The following FANCD2OS variants were observed in gnomAD, a reference collection of about 807,000 sequenced individuals.
The protein encoded by FANCD2OS is FANCD2 opposite strand protein.
In FANCD2OS, 11 loss-of-function variants were observed where a neutral mutation model predicts 13.2. The ratio of observed to expected loss-of-function variants is 0.83; its 90% CI spans 0.52 to 1.38. The LOEUF is 1.38. Ranked by LOEUF, FANCD2OS falls within the 40% of genes most tolerant of loss-of-function variation. The pLI, the probability that FANCD2OS is intolerant of heterozygous loss-of-function variation, is 0.00. For synonymous variants in FANCD2OS, 69 were observed against 84.5 expected (o/e 0.82, Z 1.01); for missense variants, 217 against 213.9 (o/e 1.01, Z -0.09).
At chr3:10,089,403 A>G (rs912662075) in intron 2 of FANCD2OS, among the ~76,000 whole-genome samples, 6 of 152,166 alleles carry the variant, frequency 3.9e-5, no homozygotes, top group Non-Finnish European at 7.3e-5. Context: ...TTCAATAAAG[A>G]GAGTCTGTTA....
chr3:10,085,973 A>G, intron 2 of FANCD2OS: 1 of 1,273,978 alleles, frequency 7.8e-7, no homozygotes, highest in Non-Finnish European at 1.1e-6. Flanking sequence ...ACTCCTAGGA[A>G]CAGGATTGGC....
intron 1 of FANCD2OS, among the ~76,000 whole-genome samples, chr3:10,107,288 T>C (rs542734652): frequency 3.5e-5 from 5 of 143,120 alleles, no homozygotes; most frequent in Admixed American, 3.4e-4. Flanking sequence ...CTTTTCTTTC[T>C]TTCTTTCTTT....
intron 2 of FANCD2OS, chr3:10,093,222 AAG>A (rs1430884525): frequency 7.7e-7 from 1 of 1,296,526 alleles, no homozygotes; most frequent in Non-Finnish European, 1.1e-6. Context: ...CGCAGCGGGA[AAG>A]AGGCTGGAGT....
intron 2 of FANCD2OS, among the ~76,000 whole-genome samples, chr3:10,096,736 C>T (rs1016256463): frequency 1.3e-5 from 2 of 152,296 alleles, no homozygotes; most frequent in Middle Eastern, 3.4e-3. Context: ...CAGACCAGTA[C>T]AAACCTCTCT....
intron 2 of FANCD2OS, among the ~76,000 whole-genome samples, chr3:10,092,505 A>G (rs1278994193): frequency 1.4e-5 from 2 of 146,378 alleles, no homozygotes; most frequent in Non-Finnish European, 3.0e-5. Context: ...TCCATCTGTA[A>G]TTCCCTCACT....
chr3:10,087,384 T>C (rs1694282495), intron 2 of FANCD2OS: 1 of 920,432 alleles, frequency 1.1e-6, no homozygotes, highest in Admixed American at 2.6e-5. Context: ...TAACCTTGGA[T>C]AGGCCCTCTT....
intron 1 of FANCD2OS, among the ~76,000 whole-genome samples, chr3:10,105,820 A>ATATATATATATAT (rs1695483587): frequency 1.4e-5 from 1 of 72,468 alleles, no homozygotes; most frequent in Non-Finnish European, 2.7e-5. Flanking sequence ...ATATATATAT[A>ATATATATATATAT]TTTTGAGGTT....
rs1575824898 is a variant in FANCD2OS at position 10,081,520 on chromosome 3, G to A, written c.*55C>T. Reference sequence around the variant, plus strand: ...AGTATATACTTGCTTTTATTTGACAGTCACCAAGGCACTGAAATGTAGAAA... The same window carrying A: ...AGTATATACTTGCTTTTATTTGACAATCACCAAGGCACTGAAATGTAGAAA... On this transcript the variant is annotated 3_prime_UTR_variant, in exon 3 of 3. Coordinates refer to the FANCD2OS transcript ENST00000524279. 5 of 1,148,740 alleles carry A rather than the reference G, an allele frequency of 4.4e-6. No homozygotes were observed. The East Asian group carries it at 1.2e-4, about 27-fold the overall frequency. The allele number at this position is 1,148,740 out of a possible 1,614,324, so 71.2% of individuals were successfully genotyped here.
At position 10,088,476 on chromosome 3, in the gene FANCD2OS, G is replaced by A. The variant is rs549507714; in HGVS notation, c.*44-6945C>T. On this transcript the variant is annotated intron_variant, in intron 2 of 2. Transcript: ENST00000524279. ...TCCCTTGCCAGACAATTCCTCTGTC[G>A]GGTGTGGCCAAGTGGGGATAAAGAG... is the stretch of plus-strand genomic sequence containing the variant. The A allele has an allele frequency of 9.9e-5, 160 of 1,611,224 alleles. 2 individuals are homozygous for A. In the South Asian group the frequency reaches 1.4e-3, roughly 14 times the overall value.
intron 2 of FANCD2OS, among the ~76,000 whole-genome samples, chr3:10,097,533 C>T (rs1272665125): frequency 1.3e-5 from 2 of 152,192 alleles, no homozygotes; most frequent in African/African-American, 4.8e-5. Context: ...CTGTTCCGCC[C>T]GGCTCACCGG....
intron 2 of FANCD2OS, among the ~76,000 whole-genome samples, chr3:10,096,730 C>T (rs894538299): frequency 6.6e-6 from 1 of 152,276 alleles, no homozygotes. Flanking sequence ...AGGAGTCAGA[C>T]CAGTACAAAC....
chr3:10,106,046 TCTC>T (rs984998324), intron 1 of FANCD2OS, among the ~76,000 whole-genome samples: 14 of 151,778 alleles, frequency 9.2e-5, no homozygotes, highest in African/African-American at 3.4e-4. Flanking sequence ...ACTGAGATCA[TCTC>T]CTGGCCCCAA....
chr3:10,104,913 A>C, intron 1 of FANCD2OS, 131 bp from the exon 2 acceptor site: 2 of 590,672 alleles, frequency 3.4e-6, no homozygotes, highest in Non-Finnish European at 5.4e-6. Flanking sequence ...AGATTCCAAC[A>C]GGTGTTAGGA....
chr3:10,093,260 G>C, intron 2 of FANCD2OS: 1 of 1,607,116 alleles, frequency 6.2e-7, no homozygotes, highest in Non-Finnish European at 8.5e-7. Flanking sequence ...TCTCAGCCTT[G>C]GTTTCTTGTC....
At chr3:10,103,414 A>G (rs529354226), downstream of FANCD2OS, among the ~76,000 whole-genome samples, 162 of 152,224 alleles carry the variant, frequency 1.1e-3, no homozygotes, top group Non-Finnish European at 1.9e-4. Context: ...AAAAATAATA[A>G]TAATACAAAA....
Position 10,105,769 on chromosome 3 carries a change from AAATTATAT to A in FANCD2OS, c.-8-995_-8-988del, listed in dbSNP as rs1209719819. 8.5e-5 allele frequency among the ~76,000 whole-genome samples: 4 copies of A among 47,198 alleles called. No individual in the cohort carries two copies. In the African/African-American group the frequency reaches 1.3e-3, roughly 15 times the overall value. 31.0% of individuals were successfully genotyped at this position (47,198 alleles called of 152,430 possible). ...CCATCTAAAAAAAAAAAAAAAAAAA[AAATTATAT>A]ATATATATATATATATATATATATA... is the stretch of plus-strand genomic sequence containing the variant. On this transcript the variant is annotated intron_variant, in intron 1 of 1. Transcript: ENST00000450660.
rs568071088 is a variant in FANCD2OS at position 10,081,627 on chromosome 3, A to T, written c.*44-96T>A. On this transcript the variant is annotated intron_variant, in intron 2 of 2. Transcript: ENST00000524279. Reference sequence around the variant, plus strand: ...GTTTTTGTCTGTATTATTTCATTTGATCTTGTACCCTCTGAGTCCTTTGGA... The same window carrying T: ...GTTTTTGTCTGTATTATTTCATTTGTTCTTGTACCCTCTGAGTCCTTTGGA... 4 of 718,174 alleles carry T rather than the reference A, an allele frequency of 5.6e-6. No homozygotes were observed. The South Asian group carries it at 6.0e-5, about 11-fold the overall frequency. The allele number at this position is 718,174 out of a possible 1,614,324, so 44.5% of individuals were successfully genotyped here.
chr3:10,101,145 G>T, downstream of FANCD2OS: 1 of 1,420,570 alleles, frequency 7.0e-7, no homozygotes, highest in South Asian at 1.1e-5. Flanking sequence ...GTCACCCAGA[G>T]CAGTAACCTA....
At chr3:10,091,165 T>G (rs113408117) in intron 2 of FANCD2OS, among the ~76,000 whole-genome samples, 9,662 of 144,318 alleles carry the variant, frequency 0.067, 422 homozygotes, top group Non-Finnish European at 0.098. Context: ...ACTGCAGCCT[T>G]TGCCTTCTGG....
Sources: gnomAD v4.1 joint callset for allele counts (sites outside exome capture counted in the v4.1 genomes callset) on GRCh38, gnomAD v4.1.1 for gene constraint, MANE v1.5 for transcripts, NCBI Gene and HGNC (gene_info 2026-07-23, HGNC 2026-07-21) for gene names.